The following KCNIP3 variants were observed in gnomAD, a reference collection of about 807,000 sequenced individuals.
KCNIP3 encodes the protein potassium voltage-gated channel interacting protein 3.
KCNIP3 carries 28 observed loss-of-function variants against 35.0 expected under a neutral mutation model. The observed-to-expected ratio is 0.80, with a 90% CI of 0.59 to 1.10. The LOEUF (loss-of-function observed/expected upper bound fraction) is 1.10, where lower values mean the gene tolerates loss of function less well. Among genes scored for constraint, KCNIP3 ranks in the 50% least tolerant of loss-of-function variants. The probability of loss-of-function intolerance (pLI) is 0.00; values close to 1 mark genes in which losing one functional copy is unlikely to be tolerated. For missense variants in KCNIP3, 295 were observed against 338.4 expected, an observed-to-expected ratio of 0.87 and a Z score of 1.01; for synonymous variants, 134 against 133.8, an observed-to-expected ratio of 1.00 and a Z score of -0.01.
intron 1 of KCNIP3, among the ~76,000 whole-genome samples, chr2:95,306,290 T>G (rs150705613): frequency 2.5e-3 from 380 of 152,374 alleles, no homozygotes; most frequent in Non-Finnish European, 4.4e-3. Flanking sequence ...ACGTGTCCTC[T>G]CTGGTGAAAT....
intron 2 of KCNIP3, among the ~76,000 whole-genome samples, chr2:95,367,659 TTCTG>T (rs776382563): frequency 3.3e-5 from 5 of 152,348 alleles, no homozygotes; most frequent in Middle Eastern, 3.4e-3. Context: ...GTTTTTTAAG[TTCTG>T]TCTTTTTATT....
intron 5 of KCNIP3, among the ~76,000 whole-genome samples, chr2:95,375,859 G>A (rs75815746): frequency 0.014 from 2,175 of 152,314 alleles, 26 homozygotes; most frequent in Non-Finnish European, 0.018. Context: ...AGCTGAAACC[G>A]CTTTGGGGAG....
At chr2:95,364,223 G>T (rs1295497459) in intron 2 of KCNIP3, among the ~76,000 whole-genome samples, 5 of 151,690 alleles carry the variant, frequency 3.3e-5, no homozygotes, top group African/African-American at 4.8e-5. Context: ...AGTTTTTTTT[G>T]GTCATCGTTT....
intron 2 of KCNIP3, among the ~76,000 whole-genome samples, chr2:95,374,041 G>A (rs2104299168): frequency 6.6e-6 from 1 of 152,352 alleles, no homozygotes; most frequent in East Asian, 1.9e-4. Flanking sequence ...CTGTGCGGCT[G>A]ACAGGGGGGC....
At position 95,301,384 on chromosome 2, in the gene KCNIP3, C is replaced by T. The variant is rs1437900189; in HGVS notation, c.15+3931C>T. ...GACCCCGGGCAGGAGACAGGCATGGCCAAGAGGCATCATGGCTGTGCCTTG... is the reference window on the plus strand; with the variant it reads ...GACCCCGGGCAGGAGACAGGCATGGTCAAGAGGCATCATGGCTGTGCCTTG... On this transcript the variant is annotated intron_variant, in intron 1 of 8. Transcript: ENST00000295225. Among the ~76,000 whole-genome samples, 5 of 152,232 alleles carry T rather than the reference C, an allele frequency of 3.3e-5. No individual in the cohort carries two copies. In the East Asian group the frequency reaches 5.8e-4, roughly 18 times the overall value.
intron 2 of KCNIP3, among the ~76,000 whole-genome samples, chr2:95,362,745 G>A (rs944777223): frequency 6.6e-5 from 10 of 152,152 alleles, no homozygotes; most frequent in Non-Finnish European, 7.4e-5. Context: ...CTCACCTGCC[G>A]CCCACCTCCT....
chr2:95,312,249 G>T (rs555043246), intron 2 of KCNIP3: 1 of 152,422 alleles, frequency 6.6e-6, no homozygotes, highest in East Asian at 1.9e-4. Flanking sequence ...GCTCAGGACG[G>T]GTGGGGCTGG....
intron 1 of KCNIP3, among the ~76,000 whole-genome samples, chr2:95,308,178 C>T (rs1295258423): frequency 6.6e-6 from 1 of 152,204 alleles, no homozygotes; most frequent in Admixed American, 6.5e-5. Flanking sequence ...TCCCTCAGCA[C>T]CCCAGGCACC....
chr2:95,343,177 C>G (rs556435267), intron 2 of KCNIP3, among the ~76,000 whole-genome samples: 1 of 151,720 alleles, frequency 6.6e-6, no homozygotes, highest in Non-Finnish European at 1.5e-5. Flanking sequence ...ACAGGCTGGA[C>G]GGGGTGGGGA....
rs1178281838 is a variant in KCNIP3, at chr2:95,382,437, C to T, written c.616C>T (p.Leu206=). The part of the protein sequence containing the change: ...DMMGRHTYPI[L]REDAPAEHVE... Reference sequence around the variant, plus strand: ...GATGGGCCGCCACACCTACCCCATCCTGCGGGAGGACGCGCCGGCGGAGCA... The same window carrying T: ...GATGGGCCGCCACACCTACCCCATCTTGCGGGAGGACGCGCCGGCGGAGCA... The change falls in exon 7 of 9, where the codon CTG becomes TTG. Residue 206 remains leucine (L), a synonymous_variant. Transcript: ENST00000295225. The surrounding 1 kb of genome is among the most constrained non-coding windows in gnomAD (Gnocchi z 4.5). 1 of 1,609,794 alleles carries T rather than the reference C, an allele frequency of 6.2e-7. No individual in the cohort carries two copies. Among genetic ancestry groups the T allele is most frequent in the Non-Finnish European group, 8.5e-7 (1 of 1,178,326 alleles).
At chr2:95,350,858 G>T (rs918141206) in intron 2 of KCNIP3, among the ~76,000 whole-genome samples, 2 of 152,206 alleles carry the variant, frequency 1.3e-5, no homozygotes, top group Admixed American at 6.5e-5. Flanking sequence ...GGAGTTTCTT[G>T]GGGGACTCTC....
intron 2 of KCNIP3, among the ~76,000 whole-genome samples, chr2:95,351,762 G>A (rs537275817): frequency 5.5e-4 from 83 of 152,138 alleles, no homozygotes; most frequent in African/African-American, 1.8e-3. Context: ...GGAGGGTCAC[G>A]GGAGGCCAGG....
At chr2:95,374,231 C>A (rs1680113923) in intron 2 of KCNIP3, 65 bp from the exon 3 acceptor site, 5 of 1,582,416 alleles carry the variant, frequency 3.2e-6, no homozygotes, top group Admixed American at 3.5e-5. Context: ...GCCCTGGCCA[C>A]ACTGGAGCAA....
In KCNIP3 at chr2:95,375,124, C is replaced by G. The variant is rs1680148445; in HGVS notation, c.377-14C>G. The G allele has an allele frequency of 1.2e-6, 2 of 1,613,948 alleles. No homozygotes were observed. On this transcript the variant is annotated splice_polypyrimidine_tract_variant and intron_variant, in intron 4 of 8. Transcript: ENST00000295225. ...AGCCCCGACACACCCCAGCCTCTTC[C>G]TTGCCCTCCCCAGATGCCACCACCT...
chr2:95,299,108 C>T (rs1408485487), intron 1 of KCNIP3: 2 of 152,332 alleles, frequency 1.3e-5, no homozygotes, highest in Non-Finnish European at 2.9e-5. Flanking sequence ...CCTGCACTTA[C>T]ATCTGGTTCT....
intron 2 of KCNIP3, among the ~76,000 whole-genome samples, chr2:95,319,309 G>C (rs1287829953): frequency 2.6e-5 from 4 of 152,208 alleles, no homozygotes; most frequent in Admixed American, 2.6e-4. Context: ...GAGAGCCCAG[G>C]GTTCCTGGGC....
At chr2:95,337,689 G>A (rs941076720) in intron 2 of KCNIP3, among the ~76,000 whole-genome samples, 4 of 152,218 alleles carry the variant, frequency 2.6e-5, no homozygotes, top group African/African-American at 9.6e-5. Flanking sequence ...ATTGAGTGAT[G>A]TTGAGGCTAA....
rs58903840 is a variant in KCNIP3 at position 95,384,169 on chromosome 2, T to TACACAC, written c.*152_*157dup. The TACACAC allele has an allele frequency of 0.13, 68,376 of 509,906 alleles. 2,751 individuals are homozygous for TACACAC. The highest frequency in any genetic ancestry group is 0.21 in the Admixed American group (7,438 of 34,792). 31.6% of individuals were successfully genotyped at this position (509,906 alleles called of 1,614,324 possible). A position where few individuals can be genotyped will look rare whatever the true frequency, so the allele number is the denominator to read the frequency against. Reference sequence around the variant, plus strand: ...GATTTGCAAAAAGTGAACAGATTGCTACACACACACACACACACACACACA... The same window carrying TACACAC: ...GATTTGCAAAAAGTGAACAGATTGCTACACACACACACACACACACACACACACACA... On this transcript the variant is annotated 3_prime_UTR_variant, in exon 9 of 9. Coordinates refer to ENST00000295225, the MANE Select transcript of KCNIP3 (RefSeq NM_013434.5).
At chr2:95,366,691 G>A (rs576985000) in intron 2 of KCNIP3, among the ~76,000 whole-genome samples, 65 of 152,198 alleles carry the variant, frequency 4.3e-4, no homozygotes, top group African/African-American at 1.4e-3. Flanking sequence ...GCAAGCGCCC[G>A]ACATTGTCAA....
Sources: gnomAD v4.1 joint callset for allele counts (sites outside exome capture counted in the v4.1 genomes callset) on GRCh38, gnomAD v4.1.1 for gene constraint, Gnocchi (gnomAD v3.1) non-coding constraint, MANE v1.5 for transcripts, NCBI Gene and HGNC (gene_info 2026-07-23, HGNC 2026-07-21) for gene names.